Variants in MARCHF1 observed in about 807,000 individuals in gnomAD.
MARCHF1 encodes the protein E3 ubiquitin-protein ligase MARCHF1.
MARCHF1 carries 40 observed loss-of-function variants against 54.2 expected under a neutral mutation model. That is an observed-to-expected ratio of 0.74 (90% CI 0.57 to 0.96). The LOEUF (loss-of-function observed/expected upper bound fraction) is 0.96. Ranked by LOEUF, MARCHF1 falls within the 40% of genes least tolerant of loss-of-function variation. The probability of loss-of-function intolerance (pLI) is 0.00; values close to 1 mark genes in which losing one functional copy is unlikely to be tolerated. For synonymous variants in MARCHF1, 236 were observed against 236.3 expected (o/e 1.00, Z 0.01); for missense variants, 586 against 656.5 (o/e 0.89, Z 1.17).
At position 163,548,541 on chromosome 4, in the gene MARCHF1, C is replaced by T. The variant is rs559618031; in HGVS notation, c.1192-2798G>A. 5.3e-5 allele frequency among the ~76,000 whole-genome samples: 8 copies of T among 152,324 alleles called. No individual in the cohort carries two copies. In the South Asian group the frequency reaches 1.7e-3, roughly 32 times the overall value. ...GACAATAGAAGCTCTGAAGTTGTCA[C>T]TTCTAAATCGCAGTTAACATTCTAA... On this transcript the variant is annotated intron_variant, in intron 8 of 9. Coordinates refer to ENST00000514618, the MANE Select transcript of MARCHF1 (RefSeq NM_001394959.1).
chr4:163,987,460 T>TG (rs1279639241), intron 3 of MARCHF1, among the ~76,000 whole-genome samples: 1 of 152,220 alleles, frequency 6.6e-6, no homozygotes, highest in African/African-American at 2.4e-5. Context: ...TCAAATTTAT[T>TG]AGTCTTTTCC....
intron 1 of MARCHF1, among the ~76,000 whole-genome samples, chr4:164,303,363 C>A (rs1338222998): frequency 6.6e-6 from 1 of 152,120 alleles, no homozygotes; most frequent in African/African-American, 2.4e-5. Context: ...ATGAAAAACT[C>A]ATTTGTGGTG....
intron 2 of MARCHF1, among the ~76,000 whole-genome samples, chr4:164,071,950 A>C (rs575094721): frequency 1.4e-5 from 2 of 146,860 alleles, no homozygotes; most frequent in South Asian, 4.1e-4. Flanking sequence ...TTAGTGCAGC[A>C]AAAAAGTAGA....
intron 5 of MARCHF1, among the ~76,000 whole-genome samples, chr4:163,650,697 A>G (rs1367973133): frequency 6.6e-6 from 1 of 151,992 alleles, no homozygotes; most frequent in African/African-American, 2.4e-5. Context: ...TATCTAAAAA[A>G]TTTCACAATA....
At chr4:163,660,544 C>T (rs1172795241) in intron 5 of MARCHF1, among the ~76,000 whole-genome samples, 1 of 151,090 alleles carries the variant, frequency 6.6e-6, no homozygotes, top group East Asian at 2.0e-4. Flanking sequence ...ACATTCTGCA[C>T]ATGTATCCCA....
At position 164,322,266 on chromosome 4, in the gene MARCHF1, C is replaced by T. The variant is rs570419121; in HGVS notation, c.-323+61604G>A. On this transcript the variant is annotated intron_variant, in intron 1 of 9. Transcript: ENST00000514618. ...AGTAGTGTTGGGTAAAAATACAAAACGAACAAGCAAAAAACTCAGCTACAG... is the reference window on the plus strand; with the variant it reads ...AGTAGTGTTGGGTAAAAATACAAAATGAACAAGCAAAAAACTCAGCTACAG... Among the ~76,000 whole-genome samples, 16 of 151,990 alleles carry T rather than the reference C, an allele frequency of 1.1e-4. No homozygotes were observed. The East Asian group carries it at 1.2e-3, about 11-fold the overall frequency.
chr4:164,013,055 C>T (rs754899373), intron 2 of MARCHF1, among the ~76,000 whole-genome samples: 8 of 152,084 alleles, frequency 5.3e-5, no homozygotes, highest in Non-Finnish European at 7.4e-5. Flanking sequence ...AAAGAAGGCA[C>T]TAGCAACCAA....
chr4:163,921,402 AAG>A (rs1163599261), intron 3 of MARCHF1, among the ~76,000 whole-genome samples: 4 of 152,164 alleles, frequency 2.6e-5, no homozygotes, highest in Admixed American at 2.6e-4. Flanking sequence ...GTATATCTAG[AAG>A]CTTATATTCA....
intron 1 of MARCHF1, among the ~76,000 whole-genome samples, chr4:164,264,765 C>A (rs1466919545): frequency 6.6e-6 from 1 of 151,830 alleles, no homozygotes; most frequent in Non-Finnish European, 1.5e-5. Flanking sequence ...ACTAAAAATA[C>A]AAAAATTAGC....
In MARCHF1 at chr4:164,252,665, A is replaced by G. The variant is rs148761772; in HGVS notation, c.-323+131205T>C. ...TAAAACCCTTAGACATGGTAAGATG[A>G]ATCAATCAATCAATTATTTACTTTA... On this transcript the variant is annotated intron_variant, in intron 1 of 9. Coordinates refer to ENST00000514618, the MANE Select transcript of MARCHF1 (RefSeq NM_001394959.1). Among the ~76,000 whole-genome samples, 658 of 152,300 alleles carry G rather than the reference A, an allele frequency of 4.3e-3. 10 individuals carry two copies. Among genetic ancestry groups the G allele is most frequent in the Non-Finnish European group, 5.1e-3 (347 of 68,014 alleles).
intron 1 of MARCHF1, among the ~76,000 whole-genome samples, chr4:164,377,954 T>C (rs1299732539): frequency 6.6e-6 from 1 of 152,240 alleles, no homozygotes; most frequent in Admixed American, 6.5e-5. Context: ...CTTTGATCAC[T>C]GTACATCTAT....
At chr4:163,773,060 A>G (rs1438254710) in intron 4 of MARCHF1, among the ~76,000 whole-genome samples, 5 of 152,236 alleles carry the variant, frequency 3.3e-5, no homozygotes, top group African/African-American at 1.2e-4. Context: ...AACAGTTTTG[A>G]AACACTTGCT....
intron 4 of MARCHF1, among the ~76,000 whole-genome samples, chr4:163,727,593 A>C (rs1167843986): frequency 2.0e-5 from 3 of 150,020 alleles, no homozygotes; most frequent in Non-Finnish European, 4.4e-5. Flanking sequence ...GCGTGAGCCA[A>C]CGCACCTGGC....
chr4:163,976,148 A>G (rs1191430512), intron 3 of MARCHF1, among the ~76,000 whole-genome samples: 1 of 152,224 alleles, frequency 6.6e-6, no homozygotes, highest in Non-Finnish European at 1.5e-5. Context: ...TGCTATGGAC[A>G]TGTAACTGCT....
intron 1 of MARCHF1, among the ~76,000 whole-genome samples, chr4:164,228,126 C>T (rs559910003): frequency 1.2e-4 from 18 of 152,258 alleles, no homozygotes; most frequent in Non-Finnish European, 2.6e-4. Context: ...GATGATGATA[C>T]TGACGATGTT....
chr4:164,097,238 G>T (rs547230334), intron 2 of MARCHF1, among the ~76,000 whole-genome samples: 7 of 152,178 alleles, frequency 4.6e-5, no homozygotes, highest in African/African-American at 1.7e-4. Flanking sequence ...GAAAGATTGT[G>T]ACACCAAAGA....
At chr4:164,193,019 T>A (rs555993047) in intron 1 of MARCHF1, among the ~76,000 whole-genome samples, 114 of 152,314 alleles carry the variant, frequency 7.5e-4, no homozygotes, top group Non-Finnish European at 1.3e-3. Context: ...CCTACACCTG[T>A]GTGATATAGC....
At chr4:164,237,117 T>C (rs1732584153) in intron 1 of MARCHF1, among the ~76,000 whole-genome samples, 1 of 152,202 alleles carries the variant, frequency 6.6e-6, no homozygotes, top group South Asian at 2.1e-4. Flanking sequence ...TCTTTAAGTA[T>C]CATTCATTTT....
At position 163,528,170 on chromosome 4, in the gene MARCHF1, A is replaced by T. The variant is rs1292514489; in HGVS notation, c.*578T>A. 1 of 152,510 alleles carries T rather than the reference A, an allele frequency of 6.6e-6. No individual in the cohort carries two copies. The highest frequency in any genetic ancestry group is 6.6e-5 in the Admixed American group (1 of 15,222). The allele number at this position is 152,510 out of a possible 1,614,324, so 9.4% of individuals were successfully genotyped here. A position where few individuals can be genotyped will look rare whatever the true frequency, so the allele number is the denominator to read the frequency against. ...CTTCAAATGTATATTGCATCTATTT[A>T]AAAAAAACATGCATCTGTCAAAATA... On this transcript the variant is annotated 3_prime_UTR_variant, in exon 10 of 10. Coordinates refer to ENST00000514618, the MANE Select transcript of MARCHF1 (RefSeq NM_001394959.1).
Sources: gnomAD v4.1 joint callset for allele counts (sites outside exome capture counted in the v4.1 genomes callset) on GRCh38, gnomAD v4.1.1 for gene constraint, MANE v1.5 for transcripts, NCBI Gene and HGNC (gene_info 2026-07-23, HGNC 2026-07-21) for gene names.